The following MYH11 variants were observed in gnomAD, a reference collection of about 807,000 sequenced individuals.
MYH11 encodes the protein myosin-11.
MYH11 carries 80 observed loss-of-function variants against 246.6 expected under a neutral mutation model. That is an observed-to-expected ratio of 0.32 (90% CI 0.27 to 0.39). The LOEUF (loss-of-function observed/expected upper bound fraction) is 0.39, where lower values mean the gene tolerates loss of function less well. MYH11 is among the 10% of genes least tolerant of loss of function. MYH11 has a pLI of 1.00. For synonymous variants in MYH11, 1,071 were observed against 1,015.5 expected (o/e 1.05, Z -1.04); for missense variants, 2,158 against 2,546.8 (o/e 0.85, Z 3.29).
chr16:15,817,572 T>C (rs16967396), intron 3 of MYH11, among the ~76,000 whole-genome samples: 1,807 of 152,248 alleles, frequency 0.012, 43 homozygotes, highest in African/African-American at 0.042. Context: ...TATGCAGATA[T>C]AAGATACATA....
At chr16:15,793,283 TCTTCCTTCC>T (rs2151315665) in intron 4 of MYH11, among the ~76,000 whole-genome samples, 1 of 152,138 alleles carries the variant, frequency 6.6e-6, no homozygotes, top group African/African-American at 2.4e-5. Flanking sequence ...TCCTTTCTTG[TCTTCCTTCC>T]CTTCCTTTCC....
At position 15,724,301 on chromosome 16, in the gene MYH11, C is replaced by T. The variant is rs760096354; in HGVS notation, c.4225G>A (p.Glu1409Lys). The part of the protein sequence containing the change: ...KEIENLTQQY[E>K]EKAAAYDKLE... ...TTATCATAAGCGGCCGCCTTCTCCT[C>T]GTACTGCTGGGTGAGGTTCTCGATC... Residue 1409 changes from glutamate to lysine, a missense_variant, in exon 31 of 41, where the codon GAG becomes AAG. Physicochemically the swap from Glu to Lys is moderately conservative, Grantham distance 56 (BLOSUM62 1). Around this residue, in one of 11 missense-constraint regions of MYH11, gnomAD observed 1,013 missense variants for 993.5 expected, o/e 1.02. Coordinates refer to ENST00000300036, the MANE Select transcript of MYH11 (RefSeq NM_002474.3). 6.2e-6 allele frequency: 10 copies of T among 1,614,094 alleles called. No homozygotes were observed. Among genetic ancestry groups the T allele is most frequent in the South Asian group, 2.2e-5 (2 of 91,094 alleles).
intron 3 of MYH11, among the ~76,000 whole-genome samples, chr16:15,815,649 G>A (rs1311061201): frequency 6.6e-6 from 1 of 152,048 alleles, no homozygotes; most frequent in African/African-American, 2.4e-5. Context: ...CAGAATTTGT[G>A]GACACACGTT....
intron 15 of MYH11, among the ~76,000 whole-genome samples, chr16:15,752,794 A>G (rs1393708079): frequency 2.0e-5 from 3 of 152,084 alleles, no homozygotes; most frequent in Non-Finnish European, 1.5e-5. Flanking sequence ...CAGGAAAATC[A>G]CTGGAACCCA....
At chr16:15,834,816 T>C (rs2068561761) in intron 2 of MYH11, among the ~76,000 whole-genome samples, 1 of 151,596 alleles carries the variant, frequency 6.6e-6, no homozygotes, top group African/African-American at 2.4e-5. Flanking sequence ...ACACCCGTAA[T>C]CCCAGCGCCG....
intron 40 of MYH11, among the ~76,000 whole-genome samples, chr16:15,707,070 G>A (rs907801608): frequency 6.6e-6 from 1 of 151,998 alleles, no homozygotes; most frequent in Admixed American, 6.6e-5. Flanking sequence ...ATAGAGTCTC[G>A]CTGTGTTGCC....
Position 15,724,993 on chromosome 16 carries a change from C to CT in MYH11, c.3859-2dup. 1 of 1,613,616 alleles carries CT rather than the reference C, an allele frequency of 6.2e-7. No individual in the cohort carries two copies. The highest frequency in any genetic ancestry group is 2.2e-5 in the East Asian group (1 of 44,866). Reference sequence around the variant, plus strand: ...TCCCTGTGACGCTCTCAACTTCATTCTAAGGGTGCCAAGAGACTGGTTAGT... The same window carrying CT: ...TCCCTGTGACGCTCTCAACTTCATTCTTAAGGGTGCCAAGAGACTGGTTAGT... On this transcript the variant is annotated splice_acceptor_variant, in intron 28 of 40. Transcript: ENST00000300036. LOFTEE classifies it high-confidence loss of function.
chr16:15,786,839 G>T, intron 4 of MYH11, 107 bp from the exon 5 acceptor site: 1 of 1,049,370 alleles, frequency 9.5e-7, no homozygotes, highest in Non-Finnish European at 1.5e-6. Flanking sequence ...TTCCCAGAGG[G>T]TGAAACAGAG....
At chr16:15,812,854 C>CA (rs1191554611) in intron 3 of MYH11, among the ~76,000 whole-genome samples, 1 of 150,444 alleles carries the variant, frequency 6.6e-6, no homozygotes, top group Middle Eastern at 3.5e-3. Context: ...GCCTGGGTGA[C>CA]AAAGTGAGAA....
At chr16:15,748,524 ACCATTGTCT>A (rs1365731495) in intron 16 of MYH11, among the ~76,000 whole-genome samples, 1 of 151,412 alleles carries the variant, frequency 6.6e-6, no homozygotes, top group Non-Finnish European at 1.5e-5. Context: ...TCTCTTCACC[ACCATTGTCT>A]CCACTATCTT....
At chr16:15,709,006 G>A (rs766033844) in intron 40 of MYH11, among the ~76,000 whole-genome samples, 6 of 152,122 alleles carry the variant, frequency 3.9e-5, no homozygotes, top group Non-Finnish European at 7.3e-5. Context: ...GCAGGGGTGC[G>A]ATCTTGGCTC....
intron 9 of MYH11, among the ~76,000 whole-genome samples, chr16:15,768,993 C>T (rs2042040927): frequency 1.3e-5 from 2 of 150,496 alleles, no homozygotes; most frequent in African/African-American, 4.9e-5. Flanking sequence ...TCTACCCACC[C>T]CTCCAAAAAT....
At chr16:15,740,221 G>C in intron 22 of MYH11, 33 bp from the exon 23 acceptor site, 1 of 1,613,714 alleles carries the variant, frequency 6.2e-7, no homozygotes, top group Non-Finnish European at 8.5e-7. Flanking sequence ...TAACAGCTTT[G>C]GTTATAACAG....
chr16:15,813,357 G>C lies in MYH11; in HGVS notation c.502+9898C>G, dbSNP rs181293568. 3.7e-3 allele frequency among the ~76,000 whole-genome samples: 555 copies of C among 152,014 alleles called. 8 individuals are homozygous for C. Among genetic ancestry groups the C allele is most frequent in the African/African-American group, 0.012 (518 of 41,448 alleles). ...GAGCAAGACCCTGTCTCTAAAAAAAGCAAAAACAAAAACAATTTTGTCAGC... is the reference window on the plus strand; with the variant it reads ...GAGCAAGACCCTGTCTCTAAAAAAACCAAAAACAAAAACAATTTTGTCAGC... On this transcript the variant is annotated intron_variant, in intron 3 of 40. Transcript: ENST00000300036.
intron 16 of MYH11, chr16:15,749,463 G>A (rs1217081215): frequency 2.0e-5 from 3 of 152,630 alleles, no homozygotes; most frequent in East Asian, 1.9e-4. Flanking sequence ...CATTCTTAAC[G>A]TTCAAGTTCA....
intron 31 of MYH11, 186 bp from the exon 32 acceptor site, chr16:15,721,820 A>G: frequency 1.6e-6 from 1 of 641,818 alleles, no homozygotes; most frequent in Non-Finnish European, 2.7e-6. Flanking sequence ...AACCTTATGC[A>G]GAGCCAGAAA....
chr16:15,726,898 C>T lies in MYH11; in HGVS notation c.3808G>A (p.Asp1270Asn), dbSNP rs770319821. Residue 1270 changes from aspartate to asparagine, a missense_variant, in exon 28 of 41, where the codon GAT (aspartate) becomes AAT (asparagine). This residue lies in a region of MYH11 where 1,013 missense variants were observed against 993.5 expected (regional missense o/e 1.02). Coordinates refer to ENST00000300036, the MANE Select transcript of MYH11 (RefSeq NM_002474.3). The stretch of plus-strand genomic sequence containing the variant: ...AGCTCCGCCCGGGCCCGCTCCCCAT[C>T]GCTGCACTTGGACTGCAGCTCCTGC... ...QVQELQSKCSDGERARAELND... is the reference protein window; with the variant it reads ...QVQELQSKCSNGERARAELND... The T allele has an allele frequency of 1.8e-5, 29 of 1,612,578 alleles. No individual in the cohort carries two copies. The East Asian group carries it at 2.5e-4, about 14-fold the overall frequency.
At chr16:15,786,592 G>C in intron 5 of MYH11, 38 bp downstream of exon 5, 1 of 1,577,200 alleles carries the variant, frequency 6.3e-7, no homozygotes, top group Non-Finnish European at 8.7e-7. Flanking sequence ...GAGACCGGTT[G>C]GCTAAATCAT....
In MYH11 at chr16:15,718,497, C is replaced by A. The variant is rs75982287; in HGVS notation, c.5172-59G>T. ...CCCTCCCCCGCCTTAAAAGATGCCC[C>A]CTCCTTGGAGTCATGCCTCAGGGGT... On this transcript the variant is annotated intron_variant, in intron 36 of 40. Coordinates refer to ENST00000300036, the MANE Select transcript of MYH11 (RefSeq NM_002474.3). The A allele has an allele frequency of 0.036, 54,975 of 1,534,098 alleles. 1,211 individuals carry two copies. Among genetic ancestry groups the A allele is most frequent in the Non-Finnish European group, 0.043 (48,834 of 1,145,330 alleles).
Sources: gnomAD v4.1 joint callset for allele counts (sites outside exome capture counted in the v4.1 genomes callset) on GRCh38, gnomAD v4.1.1 for gene constraint, gnomAD v4.1.1 regional missense constraint, MANE v1.5 for transcripts, NCBI Gene and HGNC (gene_info 2026-07-23, HGNC 2026-07-21) for gene names.